ADAMTS9: variants seen among roughly 807,000 people sequenced by gnomAD.
ADAMTS9 encodes A disintegrin and metalloproteinase with thrombospondin motifs 9.
In ADAMTS9, 107 loss-of-function variants were observed where a neutral mutation model predicts 257.1. That is an observed-to-expected ratio of 0.42 (90% CI 0.36 to 0.49). The LOEUF (loss-of-function observed/expected upper bound fraction) is 0.49. Ranked by LOEUF, ADAMTS9 falls within the 20% of genes least tolerant of loss-of-function variation. ADAMTS9 has a pLI of 0.03. For synonymous variants in ADAMTS9, 982 were observed against 880.9 expected (o/e 1.11, Z -2.03); for missense variants, 2,353 against 2,469.1 (o/e 0.95, Z 1.00).
At chr3:64,561,789 A>G (rs750177958) in intron 29 of ADAMTS9, 38 bp from the exon 30 acceptor site, 4 of 621,482 alleles carry the variant, frequency 6.4e-6, no homozygotes, top group African/African-American at 5.4e-5. Context: ...GCTTCGGCTC[A>G]TTTATTTTTT....
At chr3:64,628,034 T>C (rs981247346) in intron 16 of ADAMTS9, among the ~76,000 whole-genome samples, 1 of 152,156 alleles carries the variant, frequency 6.6e-6, no homozygotes, top group Admixed American at 6.5e-5. Context: ...CTCTGAGGTC[T>C]CGACTTTCAC....
At chr3:64,549,518 G>C (rs188269686) in intron 31 of ADAMTS9, among the ~76,000 whole-genome samples, 1 of 152,132 alleles carries the variant, frequency 6.6e-6, no homozygotes. Context: ...GGCTGGCCAA[G>C]AGCAAATCAA....
chr3:64,578,533 T>C (rs1273322635), intron 28 of ADAMTS9, among the ~76,000 whole-genome samples: 2 of 152,098 alleles, frequency 1.3e-5, no homozygotes, highest in African/African-American at 4.8e-5. Flanking sequence ...CAGTCAGACC[T>C]GGTCTGACTG....
chr3:64,559,729 A>C (rs934161427), intron 30 of ADAMTS9, among the ~76,000 whole-genome samples: 3 of 152,220 alleles, frequency 2.0e-5, no homozygotes, highest in Non-Finnish European at 2.9e-5. Flanking sequence ...TCCTCAGTGC[A>C]TATGTGGCAA....
intron 35 of ADAMTS9, 45 bp from the exon 36 acceptor site, chr3:64,541,273 C>G: frequency 6.2e-7 from 1 of 1,613,956 alleles, no homozygotes. Flanking sequence ...GAAAGCATTT[C>G]CAGGGATCTC....
Position 64,686,831 on chromosome 3 carries a change from C to G in ADAMTS9, c.253G>C (p.Ala85Pro), listed in dbSNP as rs535841645. ...SINSATDPWP[A>P]FASSSSSSTS... ...GAGGAGGAAGAGGAGGAGGCGAAGG[C>G]AGGCCAGGGGTCAGTGGCAGAGTTA... Residue 85 changes from alanine (A) to proline (P), a missense_variant, in exon 2 of 40, where the codon GCC becomes CCC. Coordinates refer to ENST00000498707, the MANE Select transcript of ADAMTS9 (RefSeq NM_182920.2). The surrounding 1 kb of genome is among the most constrained non-coding windows in gnomAD (Gnocchi z 4.6). The G allele has an allele frequency of 5.0e-6, 8 of 1,614,084 alleles. No individual in the cohort carries two copies. Among genetic ancestry groups the G allele is most frequent in the Middle Eastern group, 1.6e-4 (1 of 6,062 alleles).
intron 3 of ADAMTS9, among the ~76,000 whole-genome samples, chr3:64,674,625 A>G (rs190656967): frequency 6.6e-6 from 1 of 152,218 alleles, no homozygotes; most frequent in African/African-American, 2.4e-5. Flanking sequence ...GAATGCAGAA[A>G]GTGTGTGGTG....
chr3:64,615,304 C>G lies in ADAMTS9; in HGVS notation c.3189+17G>C. 2 of 1,611,210 alleles carry G rather than the reference C, an allele frequency of 1.2e-6. No individual in the cohort carries two copies. Among genetic ancestry groups the G allele is most frequent in the Non-Finnish European group, 1.7e-6 (2 of 1,178,622 alleles). On this transcript the variant is annotated intron_variant, in intron 21 of 39. Coordinates refer to ENST00000498707, the MANE Select transcript of ADAMTS9 (RefSeq NM_182920.2). ...GTAAGAGATGACCTAGGGGAAATAA[C>G]AGCCCTCCCATCTTACCTCTGACCA...
intron 11 of ADAMTS9, among the ~76,000 whole-genome samples, chr3:64,642,626 T>A (rs547729895): frequency 2.6e-5 from 4 of 151,880 alleles, no homozygotes; most frequent in Non-Finnish European, 5.9e-5. Flanking sequence ...AAAATAATAA[T>A]AAAACAAAAT....
intron 38 of ADAMTS9, among the ~76,000 whole-genome samples, chr3:64,530,276 T>G (rs1409040899): frequency 7.1e-6 from 1 of 140,206 alleles, no homozygotes; most frequent in African/African-American, 2.4e-5. Context: ...CTGTGACTCT[T>G]CAGGAAGGAA....
rs563425851 is a variant in ADAMTS9 at position 64,617,797 on chromosome 3, A to G, written c.2814-1627T>C. ...CCACAGGGGGAAGGAGATTCTTGGTAAGTCTTGTCAGACATACTGGTGTGC... is the reference window on the plus strand; with the variant it reads ...CCACAGGGGGAAGGAGATTCTTGGTGAGTCTTGTCAGACATACTGGTGTGC... On this transcript the variant is annotated intron_variant, in intron 19 of 39. Coordinates refer to ENST00000498707, the MANE Select transcript of ADAMTS9 (RefSeq NM_182920.2). Among the ~76,000 whole-genome samples, 4 of 152,306 alleles carry G rather than the reference A, an allele frequency of 2.6e-5. No homozygotes were observed. In the South Asian group the frequency reaches 6.2e-4, roughly 24 times the overall value.
At chr3:64,556,481 C>T (rs1045042281) in intron 30 of ADAMTS9, among the ~76,000 whole-genome samples, 5 of 152,122 alleles carry the variant, frequency 3.3e-5, no homozygotes, top group Non-Finnish European at 7.4e-5. Flanking sequence ...CCACCATACT[C>T]GGCTAATTTT....
At chr3:64,539,761 C>G (rs1007271326) in intron 36 of ADAMTS9, among the ~76,000 whole-genome samples, 11 of 152,206 alleles carry the variant, frequency 7.2e-5, no homozygotes, top group Admixed American at 7.2e-4. Context: ...CCTCCTGTTG[C>G]CTAGGCAGTA....
Position 64,651,159 on chromosome 3 carries a change from T to G in ADAMTS9, c.1321A>C (p.Asn441His). Reference protein sequence around the residue: ...TIAHELGHVFNMPHDDNNKCK... With the variant: ...TIAHELGHVFHMPHDDNNKCK... The stretch of plus-strand genomic sequence containing the variant: ...TTGTTGTTGTCATCATGAGGCATGT[T>G]AAACCTAAAGCCAATGAGACAATGA... The change falls in exon 9 of 40, where the codon AAC becomes CAC. Residue 441 changes from asparagine to histidine, a missense_variant. Physicochemically the swap from Asn to His is moderately conservative, Grantham distance 68. Around this residue, in one of 3 missense-constraint regions of ADAMTS9, gnomAD observed 591 missense variants for 569.6 expected, o/e 1.04. Transcript: ENST00000498707. The G allele has an allele frequency of 6.3e-7, 1 of 1,576,878 alleles. No individual in the cohort carries two copies. The highest frequency in any genetic ancestry group is 1.4e-5 in the African/African-American group (1 of 72,390).
At chr3:64,650,896 G>T in intron 9 of ADAMTS9, 121 bp downstream of exon 9, 2 of 874,594 alleles carry the variant, frequency 2.3e-6, no homozygotes, top group Non-Finnish European at 3.3e-6. Context: ...CCTTCTCCAA[G>T]GAATGTCAAC....
At chr3:64,520,144 CAAAT>C (rs1202520303) in intron 39 of ADAMTS9, among the ~76,000 whole-genome samples, 2 of 152,032 alleles carry the variant, frequency 1.3e-5, no homozygotes, top group Non-Finnish European at 2.9e-5. Flanking sequence ...TTTCTATACA[CAAAT>C]AACATTCAAG....
chr3:64,674,101 T>TA (rs1274908372), intron 3 of ADAMTS9, among the ~76,000 whole-genome samples: 7 of 128,398 alleles, frequency 5.5e-5, no homozygotes, highest in East Asian at 2.3e-4. Context: ...AGTTTTTTTT[T>TA]AAAAAAAAAG....
intron 28 of ADAMTS9, among the ~76,000 whole-genome samples, chr3:64,574,617 C>T (rs2083786373): frequency 6.6e-6 from 1 of 150,672 alleles, no homozygotes; most frequent in South Asian, 2.1e-4. Context: ...GCTGTTGTTC[C>T]AACTGCTTGG....
intron 3 of ADAMTS9, among the ~76,000 whole-genome samples, chr3:64,669,409 G>A (rs1011324027): frequency 2.6e-5 from 4 of 152,064 alleles, no homozygotes; most frequent in African/African-American, 4.8e-5. Flanking sequence ...AAGAACACAG[G>A]ACTGGGAAGT....
Sources: allele counts gnomAD v4.1 joint callset (sites outside exome capture counted in the v4.1 genomes callset), GRCh38; gene constraint gnomAD v4.1.1; regional missense constraint gnomAD v4.1.1; non-coding constraint Gnocchi (gnomAD v3.1); transcripts MANE v1.5; gene names NCBI Gene and HGNC (gene_info 2026-07-23, HGNC 2026-07-21).